The following TRIM49 variants were observed in gnomAD, a reference collection of about 807,000 sequenced individuals.
TRIM49 encodes tripartite motif-containing protein 49.
Under a neutral mutation model 27.4 loss-of-function variants are expected in TRIM49, and 5 were observed. That is an observed-to-expected ratio of 0.18 (90% CI 0.10 to 0.38). TRIM49 has a LOEUF of 0.38. TRIM49 is among the 10% of genes least tolerant of loss of function. The pLI, the probability that TRIM49 is intolerant of heterozygous loss-of-function variation, is 1.00. For synonymous variants in TRIM49, 69 were observed against 166.0 expected (o/e 0.42, Z 4.49); for missense variants, 188 against 487.5 (o/e 0.39, Z 5.79).
At chr11:89,806,102 T>C (rs890281748) in intron 2 of TRIM49, among the ~76,000 whole-genome samples, 4 of 149,480 alleles carry the variant, frequency 2.7e-5, no homozygotes, top group African/African-American at 1.0e-4. Flanking sequence ...GTATACACTA[T>C]AGCCTATTGT....
the TRIM49 span, among the ~76,000 whole-genome samples, chr11:89,788,026 C>T: frequency 6.2e-5 from 9 of 144,862 alleles, no homozygotes; most frequent in African/African-American, 2.4e-4. Context: ...ATCAGTACAC[C>T]TAGCGGGCAT....
At chr11:89,767,864 C>T in the TRIM49 span, among the ~76,000 whole-genome samples, 1,780 of 135,638 alleles carry the variant, frequency 0.013, 340 homozygotes, top group African/African-American at 0.056. Context: ...GAAATTGAAA[C>T]GTCCTGAATT....
At chr11:89,791,805 A>G in the TRIM49 span, among the ~76,000 whole-genome samples, 1 of 152,128 alleles carries the variant, frequency 6.6e-6, no homozygotes, top group Non-Finnish European at 1.5e-5. Flanking sequence ...AATTGTAAAG[A>G]CCATCGATGC....
chr11:89,786,832 T>C, the TRIM49 span: 1 of 137,192 alleles, frequency 7.3e-6, no homozygotes, highest in Non-Finnish European at 1.5e-5. Flanking sequence ...GCTGTTTTAC[T>C]AAAGAGGCTG....
chr11:89,793,533 C>T (rs1949669223), downstream of TRIM49, among the ~76,000 whole-genome samples: 1 of 152,150 alleles, frequency 6.6e-6, no homozygotes, highest in Non-Finnish European at 1.5e-5. Flanking sequence ...AGCTTATCCG[C>T]CAAGAGCAAG....
intron 6 of TRIM49, among the ~76,000 whole-genome samples, chr11:89,800,514 C>T (rs1013948715): frequency 6.6e-6 from 1 of 151,392 alleles, no homozygotes; most frequent in African/African-American, 2.4e-5. Context: ...GAGGCCGAGG[C>T]GGGCGGATCA....
chr11:89,768,799 T>C, the TRIM49 span: 4 of 505,374 alleles, frequency 7.9e-6, 1 homozygote, highest in Non-Finnish European at 1.6e-5. Context: ...CTTGCATTGA[T>C]GGCCATTAAC....
the TRIM49 span, among the ~76,000 whole-genome samples, chr11:89,777,721 G>T: frequency 1.3e-5 from 2 of 150,106 alleles, no homozygotes; most frequent in African/African-American, 5.0e-5. Flanking sequence ...TATCTGAAGG[G>T]TCCCTTAAAA....
At chr11:89,799,974 A>G (rs1346676242) in intron 6 of TRIM49, 161 bp from the exon 7 acceptor site, 2 of 620,368 alleles carry the variant, frequency 3.2e-6, no homozygotes, top group Non-Finnish European at 2.8e-6. Context: ...ACAGTTTCTA[A>G]ATTTTAAAGC....
downstream of TRIM49, among the ~76,000 whole-genome samples, chr11:89,797,144 T>C (rs1271494951): frequency 6.6e-6 from 1 of 151,618 alleles, no homozygotes; most frequent in Non-Finnish European, 1.5e-5. Context: ...TGAGCACTTT[T>C]TTATATTTGG....
chr11:89,800,893 G>C, intron 6 of TRIM49, 73 bp downstream of exon 6: 2 of 860,256 alleles, frequency 2.3e-6, no homozygotes, highest in South Asian at 3.8e-5. Flanking sequence ...TTTATGCCAT[G>C]ACTTTAATAG....
chr11:89,778,167 A>T, the TRIM49 span, among the ~76,000 whole-genome samples: 1 of 152,040 alleles, frequency 6.6e-6, no homozygotes, highest in East Asian at 1.9e-4. Context: ...TTGCAAACAG[A>T]GAAGCCCACA....
downstream of TRIM49, among the ~76,000 whole-genome samples, chr11:89,793,007 TAAA>T (rs1949665512): frequency 6.6e-6 from 1 of 151,602 alleles, no homozygotes; most frequent in Admixed American, 6.6e-5. Flanking sequence ...GCAAGACTAA[TAAA>T]GAAGAAAAGA....
the TRIM49 span, among the ~76,000 whole-genome samples, chr11:89,772,273 T>A: frequency 5.1e-5 from 7 of 136,812 alleles, no homozygotes; most frequent in South Asian, 1.6e-3. Context: ...TATGCGTTAA[T>A]CAACTGTGAA....
At chr11:89,795,885 T>TA (rs770474789), downstream of TRIM49, among the ~76,000 whole-genome samples, 2,734 of 149,604 alleles carry the variant, frequency 0.018, 37 homozygotes, top group African/African-American at 0.052. Context: ...TAAAGTATAA[T>TA]GAAAAAAAAA....
chr11:89,793,766 C>T (rs1345583803), downstream of TRIM49, among the ~76,000 whole-genome samples: 1 of 151,964 alleles, frequency 6.6e-6, no homozygotes, highest in Non-Finnish European at 1.5e-5. Flanking sequence ...GACAATCCCA[C>T]AGCCAATAAA....
At chr11:89,779,390 C>CTGTTT in the TRIM49 span, among the ~76,000 whole-genome samples, 1 of 19,916 alleles carries the variant, frequency 5.0e-5, no homozygotes, top group Non-Finnish European at 7.5e-5. Context: ...ATATGGTTCT[C>CTGTTT]TGTTTTAATA....
At chr11:89,776,901 G>A in the TRIM49 span, 109 of 1,466,366 alleles carry the variant, frequency 7.4e-5, 1 homozygote, top group Non-Finnish European at 5.3e-5. Context: ...ATTGTCCACC[G>A]GCCTTTTTTT....
the TRIM49 span, chr11:89,789,538 A>G: frequency 3.4e-5 from 5 of 147,952 alleles, no homozygotes; most frequent in African/African-American, 1.0e-4. Context: ...TGCAGCCCAC[A>G]TGGAGAGCTG....
Sources: gnomAD v4.1 joint callset for allele counts (sites outside exome capture counted in the v4.1 genomes callset) on GRCh38, gnomAD v4.1.1 for gene constraint, MANE v1.5 for transcripts, NCBI Gene and HGNC (gene_info 2026-07-23, HGNC 2026-07-21) for gene names.